PDGFC: variants seen among roughly 807,000 people sequenced by gnomAD.
PDGFC encodes the protein platelet-derived growth factor C.
Under a neutral mutation model 35.5 loss-of-function variants are expected in PDGFC, and 12 were observed. The ratio of observed to expected loss-of-function variants is 0.34; its 90% CI spans 0.22 to 0.55. The LOEUF (loss-of-function observed/expected upper bound fraction) is 0.55. PDGFC is among the 20% of genes least tolerant of loss of function. The pLI is 0.91. For missense variants in PDGFC, 322 were observed against 412.4 expected, an observed-to-expected ratio of 0.78 and a Z score of 1.90; for synonymous variants, 159 against 148.8, an observed-to-expected ratio of 1.07 and a Z score of -0.50.
At chr4:156,777,295 T>G (rs573276893) in intron 3 of PDGFC, among the ~76,000 whole-genome samples, 56 of 152,276 alleles carry the variant, frequency 3.7e-4, no homozygotes, top group African/African-American at 1.3e-3. Context: ...ACCAAAAATG[T>G]TTAAATGAAT....
intron 3 of PDGFC, among the ~76,000 whole-genome samples, chr4:156,790,425 A>C (rs1248805661): frequency 6.6e-6 from 1 of 152,214 alleles, no homozygotes; most frequent in African/African-American, 2.4e-5. Flanking sequence ...AGAGACAATG[A>C]ATTCTTATAT....
At chr4:156,779,757 T>C (rs1730928024) in intron 3 of PDGFC, among the ~76,000 whole-genome samples, 1 of 152,210 alleles carries the variant, frequency 6.6e-6, no homozygotes, top group Non-Finnish European at 1.5e-5. Context: ...ACTTTTCCCG[T>C]CATCATGAAA....
chr4:156,820,954 T>A (rs1732236478), intron 2 of PDGFC, among the ~76,000 whole-genome samples: 1 of 152,168 alleles, frequency 6.6e-6, no homozygotes, highest in African/African-American at 2.4e-5. Context: ...GGAAAAAGGC[T>A]CTAGCTGTTT....
intron 1 of PDGFC, among the ~76,000 whole-genome samples, chr4:156,963,269 A>G (rs1361044840): frequency 6.6e-6 from 1 of 151,998 alleles, no homozygotes; most frequent in African/African-American, 2.4e-5. Flanking sequence ...GGAGTTCAAG[A>G]CCAGCCTGGG....
At chr4:156,772,980 G>A in intron 3 of PDGFC, 87 bp from the exon 4 acceptor site, 1 of 861,544 alleles carries the variant, frequency 1.2e-6, no homozygotes, top group Non-Finnish European at 1.9e-6. Flanking sequence ...TAAAGACTGA[G>A]GCTGGAAATA....
intron 2 of PDGFC, among the ~76,000 whole-genome samples, chr4:156,828,193 A>G (rs1453551144): frequency 2.6e-5 from 4 of 152,224 alleles, no homozygotes; most frequent in African/African-American, 9.6e-5. Context: ...GCCTTCTAAC[A>G]GCACAAAATC....
chr4:156,815,891 T>C (rs866107687), intron 2 of PDGFC, among the ~76,000 whole-genome samples: 2 of 152,116 alleles, frequency 1.3e-5, no homozygotes, highest in Non-Finnish European at 2.9e-5. Flanking sequence ...CAGGGCTAAG[T>C]GGTTTATAAT....
intron 1 of PDGFC, among the ~76,000 whole-genome samples, chr4:156,921,581 T>C (rs1731282541): frequency 6.6e-6 from 1 of 152,118 alleles, no homozygotes; most frequent in East Asian, 1.9e-4. Flanking sequence ...GGTGGGTTTT[T>C]TTCCCCTGGG....
intron 1 of PDGFC, among the ~76,000 whole-genome samples, chr4:156,935,700 C>A (rs1482923785): frequency 6.6e-6 from 1 of 152,116 alleles, no homozygotes; most frequent in South Asian, 2.1e-4. Context: ...GATCAGCTGA[C>A]GAATATGTTG....
At chr4:156,923,523 G>A (rs150743492) in intron 1 of PDGFC, among the ~76,000 whole-genome samples, 32 of 152,270 alleles carry the variant, frequency 2.1e-4, no homozygotes, top group Middle Eastern at 6.8e-3. Flanking sequence ...TGTAGAAGGC[G>A]ATTAATTTGT....
At chr4:156,836,724 T>G (rs1729072015) in intron 2 of PDGFC, among the ~76,000 whole-genome samples, 2 of 152,244 alleles carry the variant, frequency 1.3e-5, no homozygotes, top group South Asian at 4.1e-4. Flanking sequence ...GCAATGAAAT[T>G]GCTTTACATT....
chr4:156,862,729 T>A, intron 1 of PDGFC, among the ~76,000 whole-genome samples: 1 of 151,874 alleles, frequency 6.6e-6, no homozygotes, highest in South Asian at 2.1e-4. Context: ...CTCTCTCTTT[T>A]TTTTTTTTTG....
chr4:156,862,280 A>C (rs192389820), intron 1 of PDGFC, among the ~76,000 whole-genome samples: 42 of 152,316 alleles, frequency 2.8e-4, no homozygotes, highest in Admixed American at 1.5e-3. Context: ...AGATCAAATT[A>C]ATAGGGAAGA....
Position 156,905,103 on chromosome 4 carries a change from A to AAAT in PDGFC, c.119-54690_119-54688dup, listed in dbSNP as rs138313610. On this transcript the variant is annotated intron_variant, in intron 1 of 5. Coordinates refer to ENST00000502773, the MANE Select transcript of PDGFC (RefSeq NM_016205.3). ...ATTCTGTGCCTCTTGCACATAAGGG[A>AAAT]AATACAAAAATGATCAAGAAGCTGG... Among the ~76,000 whole-genome samples, 1,259 of 151,986 alleles carry AAAT rather than the reference A, an allele frequency of 8.3e-3. 16 individuals carry two copies. The highest frequency in any genetic ancestry group is 0.029 in the African/African-American group (1,209 of 41,312).
rs1437294027 is a variant in PDGFC, at chr4:156,971,664, T to TC, written c.-762dup. ...CCAAAGTTCACCTTGTTCGGGCTCG[T>TC]CCCCCGCTCCTCAAAGCCTGGGGCA... On this transcript the variant is annotated 5_prime_UTR_variant, in exon 1 of 6. Transcript: ENST00000502773. Among the ~76,000 whole-genome samples, 1 of 151,548 alleles carries TC rather than the reference T, an allele frequency of 6.6e-6. No homozygotes were observed. Among genetic ancestry groups the TC allele is most frequent in the Non-Finnish European group, 1.5e-5 (1 of 67,868 alleles).
intron 1 of PDGFC, among the ~76,000 whole-genome samples, chr4:156,915,899 C>T (rs1048997230): frequency 1.3e-5 from 2 of 152,038 alleles, no homozygotes; most frequent in Non-Finnish European, 2.9e-5. Flanking sequence ...GCTTTTCCTG[C>T]CCCCATGACC....
At chr4:156,822,830 C>T (rs951609269) in intron 2 of PDGFC, among the ~76,000 whole-genome samples, 3 of 151,972 alleles carry the variant, frequency 2.0e-5, no homozygotes, top group South Asian at 2.1e-4. Flanking sequence ...GGTGCGATCT[C>T]GGCTCACTGC....
At chr4:156,824,369 CACACAT>C (rs1235504771) in intron 2 of PDGFC, among the ~76,000 whole-genome samples, 9 of 145,560 alleles carry the variant, frequency 6.2e-5, no homozygotes, top group African/African-American at 2.1e-4. Flanking sequence ...CATATATACA[CACACAT>C]ACATACATAC....
chr4:156,812,507 A>G (rs552776605), intron 2 of PDGFC, among the ~76,000 whole-genome samples: 31 of 152,288 alleles, frequency 2.0e-4, no homozygotes, highest in Non-Finnish European at 3.7e-4. Context: ...GAAGTCTGAC[A>G]TGGTTGTAAA....
Sources: gnomAD v4.1 joint callset for allele counts (sites outside exome capture counted in the v4.1 genomes callset) on GRCh38, gnomAD v4.1.1 for gene constraint, MANE v1.5 for transcripts, NCBI Gene and HGNC (gene_info 2026-07-23, HGNC 2026-07-21) for gene names.